The following SCLT1 variants were observed in gnomAD, a reference collection of about 807,000 sequenced individuals.
SCLT1 encodes the protein sodium channel and clathrin linker 1.
SCLT1 carries 78 observed loss-of-function variants against 112.8 expected under a neutral mutation model. The observed-to-expected ratio is 0.69, with a 90% CI of 0.58 to 0.83. The LOEUF is 0.83. Ranked by LOEUF, SCLT1 falls within the 40% of genes least tolerant of loss-of-function variation. SCLT1 has a pLI of 0.00. For missense variants in SCLT1, 747 were observed against 770.4 expected (o/e 0.97, Z 0.36); for synonymous variants, 257 against 254.7 (o/e 1.01, Z -0.09).
At chr4:128,972,345 T>C (rs1476756088) in intron 9 of SCLT1, 2 of 151,704 alleles carry the variant, frequency 1.3e-5, no homozygotes, top group Admixed American at 6.6e-5. Context: ...ACTTGTTTCA[T>C]GGGATTGCTG....
chr4:128,940,891 A>T (rs1277510505), intron 17 of SCLT1, among the ~76,000 whole-genome samples: 5 of 152,076 alleles, frequency 3.3e-5, no homozygotes, highest in Non-Finnish European at 7.4e-5. Context: ...CTTTCTTATG[A>T]CTGAATTTTA....
At chr4:128,879,317 A>C (rs562798715), downstream of SCLT1, among the ~76,000 whole-genome samples, 15 of 152,330 alleles carry the variant, frequency 9.8e-5, no homozygotes, top group African/African-American at 3.6e-4. Flanking sequence ...AAGCATTTAC[A>C]TGAGAGCATC....
chr4:128,943,030 A>G lies in SCLT1; in HGVS notation c.1598T>C (p.Ile533Thr), dbSNP rs760728436. The G allele has an allele frequency of 1.5e-5, 24 of 1,612,038 alleles. No homozygotes were observed. Among genetic ancestry groups the G allele is most frequent in the Non-Finnish European group, 2.0e-5 (23 of 1,179,164 alleles). The change falls in exon 17 of 21, where the codon ATT becomes ACT. Residue 533 changes from isoleucine (I) to threonine (T), a missense_variant. By Grantham distance (89) the Ile-to-Thr change is moderately conservative. Coordinates refer to ENST00000281142, the MANE Select transcript of SCLT1 (RefSeq NM_144643.4). Reference sequence around the variant, plus strand: ...GGCTTTTTTTTGAGCCTCCAGGGCAATCTTCCTTAAACTCTCAGTCTCTTT... The same window carrying G: ...GGCTTTTTTTTGAGCCTCCAGGGCAGTCTTCCTTAAACTCTCAGTCTCTTT... Reference protein sequence around the residue: ...LRKETESLRKIALEAQKKAKV... With the variant: ...LRKETESLRKTALEAQKKAKV...
At chr4:129,078,535 TAA>T (rs558793404) in intron 2 of SCLT1, among the ~76,000 whole-genome samples, 1 of 151,912 alleles carries the variant, frequency 6.6e-6, no homozygotes, top group South Asian at 2.1e-4. Context: ...TAAGTATGCA[TAA>T]AAATTATATA....
At chr4:128,919,703 G>A (rs747943740) in intron 18 of SCLT1, among the ~76,000 whole-genome samples, 4 of 151,034 alleles carry the variant, frequency 2.6e-5, no homozygotes, top group Non-Finnish European at 1.5e-5. Context: ...TAATCATAAT[G>A]ACAAGGGGAT....
chr4:128,981,102 C>T (rs1334239165), intron 9 of SCLT1, among the ~76,000 whole-genome samples: 1 of 152,138 alleles, frequency 6.6e-6, no homozygotes, highest in Non-Finnish European at 1.5e-5. Context: ...ATAATCCACG[C>T]CTTCCAGGGG....
intron 8 of SCLT1, among the ~76,000 whole-genome samples, chr4:128,994,712 CGT>C (rs1742862797): frequency 6.6e-6 from 1 of 152,102 alleles, no homozygotes; most frequent in South Asian, 2.1e-4. Flanking sequence ...CCCTCTGACA[CGT>C]GTGAGGTGAT....
intron 2 of SCLT1, 103 bp from the exon 3 acceptor site, chr4:129,044,154 C>G (rs1470648752): frequency 3.3e-6 from 2 of 603,172 alleles, no homozygotes; most frequent in African/African-American, 3.9e-5. Context: ...ATCTTAGAAA[C>G]TCTATTTATG....
intron 18 of SCLT1, among the ~76,000 whole-genome samples, chr4:128,903,171 G>T (rs972748441): frequency 2.0e-5 from 3 of 152,044 alleles, no homozygotes; most frequent in African/African-American, 7.2e-5. Context: ...TGATTTTCAA[G>T]TATTATGTAC....
intron 18 of SCLT1, among the ~76,000 whole-genome samples, chr4:128,893,305 C>T (rs962292816): frequency 1.3e-5 from 2 of 152,002 alleles, no homozygotes; most frequent in African/African-American, 2.4e-5. Context: ...ACTTTGTTAC[C>T]CTTAATCTAT....
Position 128,904,372 on chromosome 4 carries a change from T to C in SCLT1, c.1830-13235A>G, listed in dbSNP as rs149141845. 7.2e-3 allele frequency among the ~76,000 whole-genome samples: 1,098 copies of C among 152,296 alleles called. 9 individuals carry two copies. Among genetic ancestry groups the C allele is most frequent in the African/African-American group, 0.025 (1,053 of 41,582 alleles). On this transcript the variant is annotated intron_variant, in intron 18 of 20. Transcript: ENST00000281142. The stretch of plus-strand genomic sequence containing the variant: ...TACAAAACATAATTTAGAAATATAC[T>C]TGCAAAATGTAATTTCTGTGTAAGT...
chr4:129,030,227 A>C (rs1746579874), intron 5 of SCLT1, among the ~76,000 whole-genome samples: 1 of 152,160 alleles, frequency 6.6e-6, no homozygotes, highest in Non-Finnish European at 1.5e-5. Flanking sequence ...TAAATAACAA[A>C]ACTGAGACAG....
chr4:129,035,908 T>C (rs956502266), intron 5 of SCLT1, among the ~76,000 whole-genome samples: 5 of 151,912 alleles, frequency 3.3e-5, no homozygotes, highest in Non-Finnish European at 7.4e-5. Context: ...TTTCCTATTG[T>C]AGTAAATTCT....
At chr4:129,021,701 T>G (rs1745489254) in intron 5 of SCLT1, among the ~76,000 whole-genome samples, 1 of 152,128 alleles carries the variant, frequency 6.6e-6, no homozygotes, top group Non-Finnish European at 1.5e-5. Flanking sequence ...CCCATTGCCC[T>G]AAGGAAGGGG....
chr4:128,985,955 T>C (rs1436139238), intron 9 of SCLT1, among the ~76,000 whole-genome samples: 2 of 152,094 alleles, frequency 1.3e-5, no homozygotes, highest in African/African-American at 2.4e-5. Flanking sequence ...CCAACAACCA[T>C]TCCCCTGCAA....
intron 2 of SCLT1, among the ~76,000 whole-genome samples, chr4:129,061,447 A>T (rs1749965501): frequency 6.6e-6 from 1 of 152,134 alleles, no homozygotes; most frequent in Admixed American, 6.5e-5. Flanking sequence ...TAAGCAACTC[A>T]GGTCTGACAG....
chr4:128,957,188 A>T, intron 12 of SCLT1, 64 bp from the exon 13 acceptor site: 2 of 949,352 alleles, frequency 2.1e-6, no homozygotes, highest in Non-Finnish European at 3.2e-6. Context: ...ATAACAGGTG[A>T]AAACCTATCC....
chr4:128,937,878 C>T (rs1737347977), intron 17 of SCLT1, among the ~76,000 whole-genome samples: 1 of 152,158 alleles, frequency 6.6e-6, no homozygotes, highest in African/African-American at 2.4e-5. Flanking sequence ...TGCTTTAAGG[C>T]ATCCAATGTA....
chr4:128,954,131 T>C (rs1739017551), intron 13 of SCLT1, among the ~76,000 whole-genome samples: 1 of 152,052 alleles, frequency 6.6e-6, no homozygotes, highest in South Asian at 2.1e-4. Flanking sequence ...CAATAGTATA[T>C]CATCAGTAAA....
Sources: allele counts gnomAD v4.1 joint callset (sites outside exome capture counted in the v4.1 genomes callset), GRCh38; gene constraint gnomAD v4.1.1; transcripts MANE v1.5; gene names NCBI Gene and HGNC (gene_info 2026-07-23, HGNC 2026-07-21).